The following KAZN variants were observed in gnomAD, a reference collection of about 807,000 sequenced individuals.
KAZN encodes kazrin, periplakin interacting protein, also known as kazrin.
A neutral mutation model predicts 87.4 loss-of-function variants in KAZN; 40 were observed. The observed-to-expected ratio is 0.46, with a 90% CI of 0.36 to 0.60. KAZN has a LOEUF of 0.60. Among genes scored for constraint, KAZN ranks in the 20% least tolerant of loss-of-function variants. KAZN has a pLI of 0.00. For missense variants in KAZN, 898 were observed against 1,073.9 expected, an observed-to-expected ratio of 0.84 and a Z score of 2.29; for synonymous variants, 466 against 458.3, an observed-to-expected ratio of 1.02 and a Z score of -0.22.
At chr1:14,974,139 T>C (rs908743783) in intron 2 of KAZN, among the ~76,000 whole-genome samples, 4 of 151,874 alleles carry the variant, frequency 2.6e-5, no homozygotes, top group African/African-American at 7.3e-5. Context: ...ACTTTGTACA[T>C]GGATGCTAAG....
chr1:14,793,794 C>T (rs1428647021), intron 1 of KAZN, among the ~76,000 whole-genome samples: 1 of 152,122 alleles, frequency 6.6e-6, no homozygotes, highest in Non-Finnish European at 1.5e-5. Context: ...CAGATCAGAA[C>T]AGGGCCTAGT....
At chr1:14,774,874 T>C (rs183637660) in intron 1 of KAZN, among the ~76,000 whole-genome samples, 83 of 152,284 alleles carry the variant, frequency 5.5e-4, no homozygotes, top group African/African-American at 1.7e-3. Flanking sequence ...CTGTGGAAAG[T>C]TCCCTGACAT....
intron 1 of KAZN, among the ~76,000 whole-genome samples, chr1:14,870,943 G>C (rs996102350): frequency 8.5e-5 from 13 of 152,216 alleles, no homozygotes; most frequent in Admixed American, 8.5e-4. Context: ...CCTGCCTGGG[G>C]TCACACAATA....
At chr1:14,202,565 G>A (rs1162517658) in intron 2 of KAZN, among the ~76,000 whole-genome samples, 1 of 152,160 alleles carries the variant, frequency 6.6e-6, no homozygotes, top group Non-Finnish European at 1.5e-5. Context: ...CACTTGCTAG[G>A]TGACTTTCTG....
At chr1:14,995,581 G>A (rs1016709316) in intron 2 of KAZN, among the ~76,000 whole-genome samples, 9 of 151,612 alleles carry the variant, frequency 5.9e-5, no homozygotes, top group Admixed American at 3.3e-4. Flanking sequence ...CCCAGATTGC[G>A]CCACTGCACT....
Position 14,855,895 on chromosome 1 carries a change from T to C in KAZN, c.227-104789T>C, listed in dbSNP as rs146988282. ...CAGGGGAAAGAGAGGAGGAAGCCTG[T>C]TCTCCCCTTTAAACAGAGGGAGCGG... On this transcript the variant is annotated intron_variant, in intron 1 of 14. Coordinates refer to ENST00000376030, the MANE Select transcript of KAZN (RefSeq NM_201628.3). 3.5e-3 allele frequency among the ~76,000 whole-genome samples: 536 copies of C among 152,324 alleles called. 1 individual carries two copies. The highest frequency in any genetic ancestry group is 0.017 in the Middle Eastern group (5 of 294).
At chr1:14,373,935 C>A (rs950011223) in intron 2 of KAZN, among the ~76,000 whole-genome samples, 2 of 152,178 alleles carry the variant, frequency 1.3e-5, no homozygotes, top group Non-Finnish European at 2.9e-5. Flanking sequence ...CAAAATCCCT[C>A]CCATTTGTGC....
At chr1:14,326,191 C>A (rs1571309056) in intron 2 of KAZN, among the ~76,000 whole-genome samples, 2 of 152,170 alleles carry the variant, frequency 1.3e-5, no homozygotes, top group African/African-American at 4.8e-5. Flanking sequence ...CTCATGTCTG[C>A]CCCCTACCCC....
intron 1 of KAZN, among the ~76,000 whole-genome samples, chr1:14,936,117 C>A (rs142566168): frequency 1.3e-5 from 2 of 152,230 alleles, no homozygotes; most frequent in African/African-American, 2.4e-5. Flanking sequence ...GGGGAGGTGA[C>A]GGGCAGAACA....
intron 2 of KAZN, among the ~76,000 whole-genome samples, chr1:14,206,874 T>C (rs1303647434): frequency 6.6e-6 from 1 of 152,052 alleles, no homozygotes; most frequent in Non-Finnish European, 1.5e-5. Context: ...TGCTTCCAGG[T>C]TTTTCTTTGC....
rs137885946 is a variant in KAZN, at chr1:14,538,701, C to T, written c.250-60282C>T. Among the ~76,000 whole-genome samples, 566 of 152,324 alleles carry T rather than the reference C, an allele frequency of 3.7e-3. 3 individuals are homozygous for T. Among genetic ancestry groups the T allele is most frequent in the African/African-American group, 0.013 (537 of 41,582 alleles). ...TGAAAACATAGCAGAGGCCCTGATG[C>T]GCCAAGCAGCTGAAATGATTTTATA... On this transcript the variant is annotated intron_variant, in intron 2 of 16. Transcript: ENST00000636203.
At chr1:14,369,700 G>C (rs1389755946) in intron 2 of KAZN, among the ~76,000 whole-genome samples, 3 of 152,152 alleles carry the variant, frequency 2.0e-5, no homozygotes, top group Admixed American at 1.3e-4. Context: ...GCTGAGCAAG[G>C]ATCCAAAGGA....
intron 1 of KAZN, among the ~76,000 whole-genome samples, chr1:13,974,759 G>A (rs1557756803): frequency 6.6e-6 from 1 of 152,160 alleles, no homozygotes; most frequent in Non-Finnish European, 1.5e-5. Context: ...CTCCAGAACG[G>A]TGTGGGAGTC....
intron 1 of KAZN, among the ~76,000 whole-genome samples, chr1:13,953,533 A>G (rs1394368498): frequency 6.6e-6 from 1 of 152,192 alleles, no homozygotes; most frequent in Non-Finnish European, 1.5e-5. Flanking sequence ...CTTTTCTTCT[A>G]GCATTTAGTG....
At chr1:14,158,821 C>T (rs982891797) in intron 1 of KAZN, among the ~76,000 whole-genome samples, 9 of 152,308 alleles carry the variant, frequency 5.9e-5, no homozygotes, top group African/African-American at 2.2e-4. Flanking sequence ...TTATGGGTCA[C>T]CCCAAGCCTA....
intron 1 of KAZN, among the ~76,000 whole-genome samples, chr1:14,175,512 T>A (rs1333292067): frequency 6.6e-6 from 1 of 152,238 alleles, no homozygotes; most frequent in Non-Finnish European, 1.5e-5. Flanking sequence ...TCTTTTGTGT[T>A]TAGAACAAAG....
chr1:14,924,169 G>C (rs1242713175), intron 1 of KAZN: 4 of 982,096 alleles, frequency 4.1e-6, no homozygotes, highest in African/African-American at 3.5e-5. Flanking sequence ...CGAATTCCTC[G>C]CGTGCAGCAG....
At chr1:14,385,060 G>A (rs914502396) in intron 2 of KAZN, among the ~76,000 whole-genome samples, 5 of 151,342 alleles carry the variant, frequency 3.3e-5, no homozygotes, top group Admixed American at 6.6e-5. Context: ...TGTATGTGTC[G>A]AGGAATTTAT....
chr1:14,498,186 G>T (rs773451203), intron 2 of KAZN, among the ~76,000 whole-genome samples: 10 of 152,152 alleles, frequency 6.6e-5, no homozygotes, highest in Non-Finnish European at 1.2e-4. Flanking sequence ...AAAATCCATG[G>T]CTCGTCAGTG....
Sources: gnomAD v4.1 joint callset for allele counts (sites outside exome capture counted in the v4.1 genomes callset) on GRCh38, gnomAD v4.1.1 for gene constraint, MANE v1.5 for transcripts, NCBI Gene and HGNC (gene_info 2026-07-23, HGNC 2026-07-21) for gene names.